ABHD6: variants seen among roughly 807,000 people sequenced by gnomAD.
ABHD6 encodes the protein monoacylglycerol lipase ABHD6.
A neutral mutation model predicts 38.8 loss-of-function variants in ABHD6; 33 were observed. The observed-to-expected ratio is 0.85, with a 90% CI of 0.64 to 1.14. ABHD6 has a LOEUF of 1.14. Ranked by LOEUF, ABHD6 falls within the 50% of genes most tolerant of loss-of-function variation. ABHD6 has a pLI of 0.00. For synonymous variants in ABHD6, 147 were observed against 161.6 expected (o/e 0.91, Z 0.69); for missense variants, 380 against 422.6 (o/e 0.90, Z 0.88).
chr3:58,280,541 C>G (rs1165642677), intron 7 of ABHD6, among the ~76,000 whole-genome samples: 1 of 152,146 alleles, frequency 6.6e-6, no homozygotes, highest in Non-Finnish European at 1.5e-5. Flanking sequence ...CAAACATGCT[C>G]CTTTAGCACG....
rs2097434179 is a variant in ABHD6, at chr3:58,257,427, A to T, written c.119+722A>T. Among the ~76,000 whole-genome samples the T allele has an allele frequency of 1.3e-5, 2 of 151,480 alleles. No individual in the cohort carries two copies. Among genetic ancestry groups the T allele is most frequent in the African/African-American group, 4.9e-5 (2 of 41,210 alleles). The stretch of plus-strand genomic sequence containing the variant: ...ACCTAGGCTGGAGTGCAGTGGTGTC[A>T]TCTCGGCTCACTGCAACCTCTGCCT... On this transcript the variant is annotated intron_variant, in intron 3 of 9. Coordinates refer to ENST00000478253, the MANE Select transcript of ABHD6 (RefSeq NM_001320126.2). The surrounding 1 kb of genome is among the most constrained non-coding windows in gnomAD (Gnocchi z 4.8).
Position 58,293,314 on chromosome 3 carries a change from A to C in ABHD6, c.838-275A>C, listed in dbSNP as rs2097464647. 6.6e-6 allele frequency among the ~76,000 whole-genome samples: 1 copy of C among 152,086 alleles called. No individual in the cohort carries two copies. Among genetic ancestry groups the C allele is most frequent in the Non-Finnish European group, 1.5e-5 (1 of 68,014 alleles). On this transcript the variant is annotated intron_variant, in intron 9 of 9. Transcript: ENST00000478253. This position sits in a 1 kb window ranked among gnomAD's most constrained non-coding sequence, Gnocchi z 4.4. ...CTCTCTGACTTCCCCACCATACCAT[A>C]ACCTCCTCAAGGGCAAGGAACGTTT...
chr3:58,247,963 C>A (rs1322815473), intron 1 of ABHD6, among the ~76,000 whole-genome samples: 1 of 152,200 alleles, frequency 6.6e-6, no homozygotes, highest in Admixed American at 6.5e-5. Context: ...CATCTCTGTC[C>A]CCAGCCCTGC....
chr3:58,258,632 C>T (rs2107439602), intron 3 of ABHD6: 2 of 196,298 alleles, frequency 1.0e-5, no homozygotes, highest in Non-Finnish European at 2.2e-5. Context: ...TAGGTAAGCC[C>T]ATTGAGATCT....
rs2097438235 is a variant in ABHD6, at chr3:58,263,145, T to C, written c.120-4044T>C. On this transcript the variant is annotated intron_variant, in intron 3 of 9. Transcript: ENST00000478253. This position sits in a 1 kb window ranked among gnomAD's most constrained non-coding sequence, Gnocchi z 4.9. ...ATCGTTTGAAAGCAGAAGGTGGAGG[T>C]TGCAGTGAGCCGAGATCATGCCACT... 6.6e-6 allele frequency among the ~76,000 whole-genome samples: 1 copy of C among 151,836 alleles called. No individual in the cohort carries two copies. Among genetic ancestry groups the C allele is most frequent in the Non-Finnish European group, 1.5e-5 (1 of 67,970 alleles).
intron 2 of ABHD6, among the ~76,000 whole-genome samples, chr3:58,253,636 C>A (rs542371675): frequency 2.6e-5 from 4 of 152,308 alleles, no homozygotes; most frequent in African/African-American, 9.6e-5. Flanking sequence ...ATTTGCTTTT[C>A]ATTGATTCAT....
At chr3:58,270,503 C>CAAAAA (rs768619665) in intron 5 of ABHD6, among the ~76,000 whole-genome samples, 2 of 60,642 alleles carry the variant, frequency 3.3e-5, no homozygotes, top group African/African-American at 5.0e-5. Context: ...CTCATCTCTA[C>CAAAAA]AAAAAAAAAA....
chr3:58,265,018 A>G lies in ABHD6; in HGVS notation c.120-2171A>G, dbSNP rs1215556738. 6.6e-6 allele frequency among the ~76,000 whole-genome samples: 1 copy of G among 151,694 alleles called. No individual in the cohort carries two copies. Among genetic ancestry groups the G allele is most frequent in the African/African-American group, 2.4e-5 (1 of 41,232 alleles). ...CATTCTTTCTATTTTTTTTGTACCCATTAACCATCCCCACTTCTCCCCTAC... is the reference window on the plus strand; with the variant it reads ...CATTCTTTCTATTTTTTTTGTACCCGTTAACCATCCCCACTTCTCCCCTAC... On this transcript the variant is annotated intron_variant, in intron 3 of 9. Coordinates refer to ENST00000478253, the MANE Select transcript of ABHD6 (RefSeq NM_001320126.2). This position sits in a 1 kb window ranked among gnomAD's most constrained non-coding sequence, Gnocchi z 4.2.
At chr3:58,276,713 GC>G (rs1167665423) in intron 7 of ABHD6, among the ~76,000 whole-genome samples, 1 of 152,174 alleles carries the variant, frequency 6.6e-6, no homozygotes, top group African/African-American at 2.4e-5. Flanking sequence ...GTATGGTATT[GC>G]CTAGGTTTTC....
chr3:58,278,732 G>T (rs1341850929), intron 7 of ABHD6, among the ~76,000 whole-genome samples: 1 of 152,040 alleles, frequency 6.6e-6, no homozygotes, highest in Non-Finnish European at 1.5e-5. Context: ...TCTCTTGTGG[G>T]CATTTAGTGC....
In ABHD6 at chr3:58,285,250, G is replaced by A; in HGVS notation, c.737-103G>A. On this transcript the variant is annotated intron_variant, in intron 8 of 9. Transcript: ENST00000478253. This position sits in a 1 kb window ranked among gnomAD's most constrained non-coding sequence, Gnocchi z 4.9. ...TTGAATGTCTCTTTGGGCCCCTGAA[G>A]AGAGGAAGTGGTGGCCTGGATCTGG... 1 of 1,522,544 alleles carries A rather than the reference G, an allele frequency of 6.6e-7. No homozygotes were observed. Among genetic ancestry groups the A allele is most frequent in the Non-Finnish European group, 9.1e-7 (1 of 1,097,352 alleles). The allele number at this position is 1,522,544 out of a possible 1,614,324, so 94.3% of individuals were successfully genotyped here. A position where few individuals can be genotyped will look rare whatever the true frequency, so the allele number is the denominator to read the frequency against.
rs1181148805 is a variant in ABHD6 at position 58,256,429 on chromosome 3, A to G, written c.-25-133A>G. ...ATGTCTATTTGGTTTTTTGTAAAGCACTTGCCTGCTTTGGTTTCCTCCTGT... is the reference window on the plus strand; with the variant it reads ...ATGTCTATTTGGTTTTTTGTAAAGCGCTTGCCTGCTTTGGTTTCCTCCTGT... On this transcript the variant is annotated intron_variant, in intron 2 of 9. Transcript: ENST00000478253. This position sits in a 1 kb window ranked among gnomAD's most constrained non-coding sequence, Gnocchi z 4.3. The G allele has an allele frequency of 1.8e-6, 1 of 540,924 alleles. No homozygotes were observed. Among genetic ancestry groups the G allele is most frequent in the East Asian group, 3.2e-5 (1 of 31,548 alleles). 33.5% of individuals were successfully genotyped at this position (540,924 alleles called of 1,614,324 possible).
chr3:58,249,184 T>G (rs764421138), intron 1 of ABHD6, among the ~76,000 whole-genome samples: 12 of 152,252 alleles, frequency 7.9e-5, no homozygotes, highest in Non-Finnish European at 1.8e-4. Context: ...TTTATGCAAC[T>G]AATACTCTTT....
rs1011306153 is a variant in ABHD6, at chr3:58,267,414, C to T, written c.276+69C>T. The T allele has an allele frequency of 4.4e-6, 7 of 1,584,718 alleles. No individual in the cohort carries two copies. Among genetic ancestry groups the T allele is most frequent in the Non-Finnish European group, 5.2e-6 (6 of 1,161,524 alleles). On this transcript the variant is annotated intron_variant, in intron 4 of 9. Transcript: ENST00000478253. This position sits in a 1 kb window ranked among gnomAD's most constrained non-coding sequence, Gnocchi z 4.3. ...GTGCTGTGGCTCATGCCTATAATCC[C>T]AGCACTTTGGGAGCCTGAGGCAGGA... is the stretch of plus-strand genomic sequence containing the variant.
At chr3:58,290,018 G>T (rs1321669118) in intron 9 of ABHD6, among the ~76,000 whole-genome samples, 5 of 140,168 alleles carry the variant, frequency 3.6e-5, no homozygotes, top group Non-Finnish European at 6.2e-5. Context: ...CCTCCCGGAC[G>T]GGGCGGCTGG....
At chr3:58,270,793 A>G (rs1049559784) in intron 5 of ABHD6, 139 bp from the exon 6 acceptor site, 1 of 907,292 alleles carries the variant, frequency 1.1e-6, no homozygotes. Flanking sequence ...CTTATAATGG[A>G]TCCAGTAGAG....
intron 2 of ABHD6, among the ~76,000 whole-genome samples, chr3:58,254,456 C>G (rs2097431899): frequency 6.6e-6 from 1 of 152,220 alleles, no homozygotes; most frequent in African/African-American, 2.4e-5. Context: ...AAAATCGTCA[C>G]CGTCTGGCAC....
rs2097440579 is a variant in ABHD6, at chr3:58,265,921, C to G, written c.120-1268C>G. 6.6e-6 allele frequency among the ~76,000 whole-genome samples: 1 copy of G among 152,198 alleles called. No individual in the cohort carries two copies. The highest frequency in any genetic ancestry group is 1.5e-5 in the Non-Finnish European group (1 of 68,042). On this transcript the variant is annotated intron_variant, in intron 3 of 9. Coordinates refer to ENST00000478253, the MANE Select transcript of ABHD6 (RefSeq NM_001320126.2). The surrounding 1 kb of genome is among the most constrained non-coding windows in gnomAD (Gnocchi z 4.2). ...GGCAAAACTGTCAGGGCCTAATTAC[C>G]TCTTAACAGTCCCACTTCACAATGG...
chr3:58,293,461 G>A lies in ABHD6; in HGVS notation c.838-128G>A. Reference sequence around the variant, plus strand: ...ACAAGCCCCAACACCAAAGGGACTTGGTCCTAAAATTCACATCCTCCTGCC... The same window carrying A: ...ACAAGCCCCAACACCAAAGGGACTTAGTCCTAAAATTCACATCCTCCTGCC... On this transcript the variant is annotated intron_variant, in intron 9 of 9. Transcript: ENST00000478253. This position sits in a 1 kb window ranked among gnomAD's most constrained non-coding sequence, Gnocchi z 4.4. 1 of 923,534 alleles carries A rather than the reference G, an allele frequency of 1.1e-6. No individual in the cohort carries two copies. The highest frequency in any genetic ancestry group is 1.7e-5 in the African/African-American group (1 of 60,156). The allele number at this position is 923,534 out of a possible 1,614,324, so 57.2% of individuals were successfully genotyped here. A position where few individuals can be genotyped will look rare whatever the true frequency, so the allele number is the denominator to read the frequency against.
Sources: allele counts gnomAD v4.1 joint callset (sites outside exome capture counted in the v4.1 genomes callset), GRCh38; gene constraint gnomAD v4.1.1; non-coding constraint Gnocchi (gnomAD v3.1); transcripts MANE v1.5; gene names NCBI Gene and HGNC (gene_info 2026-07-23, HGNC 2026-07-21).